Variants in DSCAML1 observed in about 807,000 individuals in gnomAD.
DSCAML1 encodes DS cell adhesion molecule like 1, also known as cell adhesion molecule DSCAML1.
A neutral mutation model predicts 200.5 loss-of-function variants in DSCAML1; 38 were observed. The ratio of observed to expected loss-of-function variants is 0.19; its 90% CI spans 0.15 to 0.25. The LOEUF (loss-of-function observed/expected upper bound fraction) is 0.25, where lower values mean the gene tolerates loss of function less well. Among genes scored for constraint, DSCAML1 ranks in the 10% least tolerant of loss-of-function variants. The pLI is 1.00. For missense variants in DSCAML1, 2,223 were observed against 2,858.8 expected (o/e 0.78, Z 5.07); for synonymous variants, 1,215 against 1,165.0 (o/e 1.04, Z -0.87).
At chr11:117,493,174 A>C (rs2137251872) in intron 11 of DSCAML1, among the ~76,000 whole-genome samples, 1 of 152,274 alleles carries the variant, frequency 6.6e-6, no homozygotes, top group South Asian at 2.1e-4. Flanking sequence ...TGAGGCCCTC[A>C]AACTCGCCAG....
chr11:117,796,872 CCT>C (rs1591520663), intron 1 of DSCAML1, among the ~76,000 whole-genome samples, 160 bp downstream of exon 1: 1 of 152,084 alleles, frequency 6.6e-6, no homozygotes, highest in East Asian at 1.9e-4. Context: ...TCACTCGGCC[CCT>C]GTCAGGGTGC....
At chr11:117,761,705 T>C (rs534312108) in intron 3 of DSCAML1, among the ~76,000 whole-genome samples, 1 of 152,276 alleles carries the variant, frequency 6.6e-6, no homozygotes, top group South Asian at 2.1e-4. Context: ...ATCCTGTCTC[T>C]ACAAAAAATT....
chr11:117,798,493 A>G (rs1268408772), upstream of DSCAML1, among the ~76,000 whole-genome samples: 1 of 152,192 alleles, frequency 6.6e-6, no homozygotes, highest in African/African-American at 2.4e-5. Flanking sequence ...CAACCATTTG[A>G]AGTGTACTAT....
chr11:117,610,851 C>G (rs1052651790), intron 3 of DSCAML1, among the ~76,000 whole-genome samples: 22 of 147,924 alleles, frequency 1.5e-4, no homozygotes, highest in Non-Finnish European at 1.3e-4. Context: ...CCCCCCCCCC[C>G]CACAATGTGT....
intron 1 of DSCAML1, among the ~76,000 whole-genome samples, chr11:117,812,806 T>C (rs1453404507): frequency 7.1e-6 from 1 of 140,778 alleles, no homozygotes; most frequent in Non-Finnish European, 1.6e-5. Flanking sequence ...TTCCTAGGCA[T>C]GGTTAGTGCA....
At position 117,516,717 on chromosome 11, in the gene DSCAML1, C is replaced by T; in HGVS notation, c.1533G>A (p.Met511Ile). ...NVRGPPSIRA[M>I]RNITAVAGRD... Reference sequence around the variant, plus strand: ...GCCCGGCGACTGCTGTGATGTTCCGCATAGCCCGGATGCTGGGTGGGCCTG... The same window carrying T: ...GCCCGGCGACTGCTGTGATGTTCCGTATAGCCCGGATGCTGGGTGGGCCTG... Residue 511 changes from methionine (M) to isoleucine (I), a missense_variant, in exon 8 of 33, where the codon ATG becomes ATA. Coordinates refer to ENST00000651296, the MANE Select transcript of DSCAML1 (RefSeq NM_020693.4). The surrounding 1 kb of genome is among the most constrained non-coding windows in gnomAD (Gnocchi z 5.7). The T allele has an allele frequency of 6.2e-7, 1 of 1,613,662 alleles. No individual in the cohort carries two copies. Among genetic ancestry groups the T allele is most frequent in the East Asian group, 2.2e-5 (1 of 44,880 alleles).
chr11:117,479,932 G>A (rs1005187665), intron 14 of DSCAML1, among the ~76,000 whole-genome samples: 1 of 152,184 alleles, frequency 6.6e-6, no homozygotes, highest in Non-Finnish European at 1.5e-5. Flanking sequence ...ACAGGTATGA[G>A]CCACTGCGCC....
chr11:117,613,096 G>T (rs1400441177), intron 3 of DSCAML1, among the ~76,000 whole-genome samples: 1 of 151,872 alleles, frequency 6.6e-6, no homozygotes, highest in Non-Finnish European at 1.5e-5. Context: ...TTTTTCTGGG[G>T]TAGAGGGTCC....
chr11:117,554,347 A>G (rs1054889043), intron 3 of DSCAML1, among the ~76,000 whole-genome samples: 1 of 152,182 alleles, frequency 6.6e-6, no homozygotes, highest in Non-Finnish European at 1.5e-5. Context: ...GACAGATACC[A>G]TGGACAAAAA....
chr11:117,454,477 G>GT (rs2048338044), intron 19 of DSCAML1, among the ~76,000 whole-genome samples: 1 of 152,080 alleles, frequency 6.6e-6, no homozygotes, highest in South Asian at 2.1e-4. Flanking sequence ...AAGTATTAGG[G>GT]TTTTTTTCCC....
intron 32 of DSCAML1, among the ~76,000 whole-genome samples, chr11:117,429,847 G>A (rs2047748758): frequency 6.6e-6 from 1 of 152,320 alleles, no homozygotes; most frequent in Non-Finnish European, 1.5e-5. Flanking sequence ...CCCTAGGATT[G>A]GTTAATACCT....
chr11:117,525,694 G>A lies in DSCAML1; in HGVS notation c.659-611C>T, dbSNP rs565604082. Among the ~76,000 whole-genome samples, 39 of 152,184 alleles carry A rather than the reference G, an allele frequency of 2.6e-4. No homozygotes were observed. The South Asian group carries it at 5.0e-3, about 20-fold the overall frequency. On this transcript the variant is annotated intron_variant, in intron 4 of 32. Transcript: ENST00000651296. ...AGGCTGGTCTCGAACTCCTGACCTC[G>A]GGTGATCCGCCTGCCTTGGCCTCTG...
chr11:117,514,572 CT>C (rs532136039), intron 8 of DSCAML1, among the ~76,000 whole-genome samples: 35,086 of 98,654 alleles, frequency 0.36, 5,302 homozygotes, highest in Middle Eastern at 0.44. Flanking sequence ...TTTTCTTTTT[CT>C]TTTTTTTTTT....
intron 3 of DSCAML1, among the ~76,000 whole-genome samples, chr11:117,735,515 A>G (rs1196211959): frequency 6.6e-6 from 1 of 152,196 alleles, no homozygotes; most frequent in African/African-American, 2.4e-5. Flanking sequence ...GGGGCTGTCT[A>G]CAAGAGGAGG....
At chr11:117,727,544 G>T (rs1591445836) in intron 3 of DSCAML1, among the ~76,000 whole-genome samples, 1 of 152,260 alleles carries the variant, frequency 6.6e-6, no homozygotes, top group East Asian at 1.9e-4. Context: ...AAATTCTGAG[G>T]TCAAAGGAAT....
chr11:117,442,158 T>C (rs1279164293), intron 21 of DSCAML1, among the ~76,000 whole-genome samples: 4 of 152,038 alleles, frequency 2.6e-5, no homozygotes, highest in Non-Finnish European at 5.9e-5. Flanking sequence ...CGTGTGTATA[T>C]GCGTATATGC....
intron 28 of DSCAML1, 74 bp downstream of exon 28, chr11:117,433,367 G>A (rs902335825): frequency 4.6e-5 from 74 of 1,593,480 alleles, no homozygotes; most frequent in Non-Finnish European, 6.2e-5. Flanking sequence ...TGGGAGTTCA[G>A]AGCGAGGCTC....
intron 3 of DSCAML1, among the ~76,000 whole-genome samples, chr11:117,775,849 C>A (rs1381325765): frequency 6.6e-6 from 1 of 152,158 alleles, no homozygotes; most frequent in East Asian, 1.9e-4. Flanking sequence ...TCTTCCCCAA[C>A]TAAATCATCA....
rs186138965 is a variant in DSCAML1, at chr11:117,763,328, C to T, written c.511+13463G>A. Among the ~76,000 whole-genome samples the T allele has an allele frequency of 6.0e-4, 91 of 152,086 alleles. 1 individual carries two copies. The highest frequency in any genetic ancestry group is 2.2e-3 in the African/African-American group (90 of 41,514). On this transcript the variant is annotated intron_variant, in intron 3 of 32. Transcript: ENST00000651296. ...ACCCAGGCATCTGCAGTCGTTAAAG[C>T]TCCCTGTGTGATCCCAGTGGGCAGC...
Sources: allele counts gnomAD v4.1 joint callset (sites outside exome capture counted in the v4.1 genomes callset), GRCh38; gene constraint gnomAD v4.1.1; non-coding constraint Gnocchi (gnomAD v3.1); transcripts MANE v1.5; gene names NCBI Gene and HGNC (gene_info 2026-07-23, HGNC 2026-07-21).